The following PPRC1 variants were observed in gnomAD, a reference collection of about 807,000 sequenced individuals.
PPRC1 encodes PPARG related coactivator 1.
Under a neutral mutation model 132.5 loss-of-function variants are expected in PPRC1, and 23 were observed. The observed-to-expected ratio is 0.17, with a 90% CI of 0.12 to 0.25. PPRC1 has a LOEUF of 0.25. Ranked by LOEUF, PPRC1 falls within the 10% of genes least tolerant of loss-of-function variation. The pLI is 1.00. For synonymous variants in PPRC1, 872 were observed against 833.5 expected (o/e 1.05, Z -0.80); for missense variants, 2,006 against 2,089.1 (o/e 0.96, Z 0.78).
At position 102,138,926 on chromosome 10, in the gene PPRC1, C is replaced by T; in HGVS notation, c.537C>T (p.Leu179=). The change falls in exon 4 of 14, where the codon CTC becomes CTT. Residue 179 remains leucine, a synonymous_variant. Coordinates refer to ENST00000278070, the MANE Select transcript of PPRC1 (RefSeq NM_015062.5). ...TLSRTPPERD[L]ITPVDPLGPS... is the part of the protein sequence containing the mutation. ...CTCGGACACCCCCAGAACGTGACCTCATCACCCCAGTTGACCCACTGGGGC... is the reference window on the plus strand; with the variant it reads ...CTCGGACACCCCCAGAACGTGACCTTATCACCCCAGTTGACCCACTGGGGC... The T allele has an allele frequency of 1.2e-6, 2 of 1,614,180 alleles. No individual in the cohort carries two copies. Among genetic ancestry groups the T allele is most frequent in the South Asian group, 1.1e-5 (1 of 91,082 alleles).
intron 2 of PPRC1, 54 bp from the exon 3 acceptor site, chr10:102,138,565 A>G (rs1220996727): frequency 6.3e-7 from 1 of 1,592,154 alleles, no homozygotes; most frequent in Non-Finnish European, 8.6e-7. Flanking sequence ...CCTTAGTGGC[A>G]TAGTAGGTCA....
chr10:102,148,423 G>C lies in PPRC1; in HGVS notation c.4452G>C (p.Ser1484=), dbSNP rs558136788. The C allele has an allele frequency of 1.4e-5, 22 of 1,611,822 alleles. No individual in the cohort carries two copies. The Admixed American group carries it at 2.2e-4, about 16-fold the overall frequency. ...GRSRRCSSSS[S]SSSSSSSSSS... ...CTCGAAGATGCTCTTCCTCTTCTTCGTCATCATCTTCCTCTTCGTCTTCCT... is the reference window on the plus strand; with the variant it reads ...CTCGAAGATGCTCTTCCTCTTCTTCCTCATCATCTTCCTCTTCGTCTTCCT... Residue 1484 remains serine (S), a synonymous_variant, in exon 10 of 14, where the codon TCG becomes TCC. Transcript: ENST00000278070. The surrounding 1 kb of genome is among the most constrained non-coding windows in gnomAD (Gnocchi z 4.2).
At position 102,147,298 on chromosome 10, in the gene PPRC1, C is replaced by T. The variant is rs34169738; in HGVS notation, c.4306C>T (p.Arg1436Trp). 0.016 allele frequency: 25,541 copies of T among 1,612,744 alleles called. 271 individuals carry two copies. Among genetic ancestry groups the T allele is most frequent in the Middle Eastern group, 0.038 (229 of 6,062 alleles). ...NSRSVSSGSN[R>W]TSEASSSSSS... ...CCGTTCTGTCAGCTCTGGGTCCAAC[C>T]GGACTAGCGAAGCATCTTCCTCATC... Residue 1436 changes from arginine (R) to tryptophan (W), a missense_variant, in exon 9 of 14, where the codon CGG (arginine) becomes TGG (tryptophan). This residue lies in a region of PPRC1 where 1,914 missense variants were observed against 1,917.2 expected (regional missense o/e 1.00). Transcript: ENST00000278070.
chr10:102,120,285 C>A, the PPRC1 span: 2 of 984,088 alleles, frequency 2.0e-6, no homozygotes, highest in African/African-American at 3.5e-5. Context: ...GCCTGTCAGG[C>A]GCGGAGCAGA....
chr10:102,148,076 T>A lies in PPRC1; in HGVS notation c.4401-296T>A, dbSNP rs1241141782. ...TAGGGCTCACCCCTCTCCCTGAGTC[T>A]CCATTTATTGTTCTTCCTCTTTCTG... On this transcript the variant is annotated intron_variant, in intron 9 of 13. Transcript: ENST00000278070. This position sits in a 1 kb window ranked among gnomAD's most constrained non-coding sequence, Gnocchi z 4.2. Among the ~76,000 whole-genome samples, 2 of 152,144 alleles carry A rather than the reference T, an allele frequency of 1.3e-5. No individual in the cohort carries two copies. Among genetic ancestry groups the A allele is most frequent in the African/African-American group, 4.8e-5 (2 of 41,432 alleles).
rs1387507368 is a variant in PPRC1 at position 102,140,592 on chromosome 10, G to A, written c.2084G>A (p.Arg695His). The A allele has an allele frequency of 3.7e-6, 6 of 1,614,062 alleles. No homozygotes were observed. Among genetic ancestry groups the A allele is most frequent in the African/African-American group, 1.3e-5 (1 of 75,004 alleles). Residue 695 changes from arginine to histidine, a missense_variant, in exon 5 of 14, where the codon CGT (arginine) becomes CAT (histidine). Physicochemically the swap from Arg to His is conservative, Grantham distance 29. Around this residue, in one of 2 missense-constraint regions of PPRC1, gnomAD observed 1,914 missense variants for 1,917.2 expected, o/e 1.00. Coordinates refer to ENST00000278070, the MANE Select transcript of PPRC1 (RefSeq NM_015062.5). ...AAGTCCAGACCAACTGATCCCAGAC[G>A]TGGTGCAGTGTCATCAGCCCTGGGG... ...LVKSRPTDPR[R>H]GAVSSALGGS...
rs1299442945 is a variant in PPRC1, at chr10:102,139,697, G to A, written c.1189G>A (p.Glu397Lys). Residue 397 changes from glutamate (E) to lysine (K), a missense_variant, in exon 5 of 14, where the codon GAG becomes AAG. Physicochemically the swap from Glu to Lys is moderately conservative, Grantham distance 56. This residue lies in a region of PPRC1 where 1,914 missense variants were observed against 1,917.2 expected (regional missense o/e 1.00). Transcript: ENST00000278070. ...GCTGCTTATGCCTACACTGGAGTCA[G>A]AGACAGAGGCTGCTGTGCCCAAGGT... ...LQLLMPTLESETEAAVPKVTL... is the reference protein window; with the variant it reads ...LQLLMPTLESKTEAAVPKVTL... 6.2e-7 allele frequency: 1 copy of A among 1,614,100 alleles called. No homozygotes were observed. Among genetic ancestry groups the A allele is most frequent in the Middle Eastern group, 1.6e-4 (1 of 6,062 alleles).
In PPRC1 at chr10:102,138,790, G is replaced by C; in HGVS notation, c.489+25G>C. On this transcript the variant is annotated intron_variant, in intron 3 of 13. Transcript: ENST00000278070. ...TGTGAGTGTGGGACCAGGGGAAGGG[G>C]ATTAGTACAAAGTTTAGACCCATGC... 5 of 1,614,032 alleles carry C rather than the reference G, an allele frequency of 3.1e-6. No homozygotes were observed. In the South Asian group the frequency reaches 5.5e-5, roughly 18 times the overall value.
chr10:102,145,980 T>C (rs1467747373), intron 8 of PPRC1, among the ~76,000 whole-genome samples: 1 of 152,204 alleles, frequency 6.6e-6, no homozygotes, highest in Non-Finnish European at 1.5e-5. Context: ...TGAGAAACTC[T>C]ATCAGGTGGT....
chr10:102,138,147 G>C (rs769458847), intron 2 of PPRC1, 109 bp downstream of exon 2: 2 of 1,180,036 alleles, frequency 1.7e-6, no homozygotes, highest in Middle Eastern at 2.6e-4. Context: ...CTTCTTCCTG[G>C]GTGCCCAACC....
the PPRC1 span, among the ~76,000 whole-genome samples, chr10:102,126,708 C>T: frequency 1.3e-5 from 2 of 151,936 alleles, no homozygotes; most frequent in African/African-American, 4.8e-5. Flanking sequence ...ATCCGCCTGC[C>T]TCGGCCTCCC....
chr10:102,122,635 A>G, the PPRC1 span, among the ~76,000 whole-genome samples: 265 of 152,052 alleles, frequency 1.7e-3, 3 homozygotes, highest in Middle Eastern at 0.027. Flanking sequence ...GCCTAAGGCC[A>G]CTCATTCCAA....
chr10:102,144,212 A>T (rs891588316), intron 6 of PPRC1, 38 bp from the exon 7 acceptor site: 6 of 1,606,324 alleles, frequency 3.7e-6, no homozygotes, highest in Non-Finnish European at 4.3e-6. Flanking sequence ...AGTCTAGAAC[A>T]TCTGGTTGGG....
chr10:102,149,443 C>G (rs1323067495), intron 13 of PPRC1, 114 bp downstream of exon 13: 9 of 1,262,138 alleles, frequency 7.1e-6, no homozygotes, highest in Non-Finnish European at 9.4e-6. Flanking sequence ...ATACAAAGAA[C>G]CCAAGGGGGC....
chr10:102,134,336 CATGTTCAACAG>C (rs1017582664), intron 1 of PPRC1, among the ~76,000 whole-genome samples: 8 of 152,100 alleles, frequency 5.3e-5, no homozygotes, highest in African/African-American at 1.9e-4. Flanking sequence ...AACTGTTCAA[CATGTTCAACAG>C]TTGAACATAC....
chr10:102,144,927 C>T (rs2069152397), intron 7 of PPRC1, 93 bp from the exon 8 acceptor site: 2 of 1,038,850 alleles, frequency 1.9e-6, no homozygotes, highest in Non-Finnish European at 2.9e-6. Context: ...TTCTTCTCTG[C>T]ACCCACCCCC....
At chr10:102,138,504 T>C in intron 2 of PPRC1, 115 bp from the exon 3 acceptor site, 3 of 1,281,056 alleles carry the variant, frequency 2.3e-6, no homozygotes, top group Non-Finnish European at 3.3e-6. Context: ...TCCTTCTCGC[T>C]GCCCCATTAG....
rs369613277 is a variant in PPRC1 at position 102,140,487 on chromosome 10, C to T, written c.1979C>T (p.Pro660Leu). 2,870 of 1,614,122 alleles carry T rather than the reference C, an allele frequency of 1.8e-3. 67 individuals carry two copies. In the South Asian group the frequency reaches 0.028, roughly 16 times the overall value. The stretch of plus-strand genomic sequence containing the variant: ...AACTTGCCACCAGTTGATGCTGTCC[C>T]GTCTGGCCCAGCACCAGTTGATCTA... Reference protein sequence around the residue: ...SDNLPPVDAVPSGPAPVDLAL... With the variant: ...SDNLPPVDAVLSGPAPVDLAL... The change falls in exon 5 of 14, where the codon CCG becomes CTG. Residue 660 changes from proline (P) to leucine (L), a missense_variant. By Grantham distance (98) the Pro-to-Leu change is moderately conservative (BLOSUM62 -3). Coordinates refer to ENST00000278070, the MANE Select transcript of PPRC1 (RefSeq NM_015062.5).
rs376045160 is a variant in PPRC1 at position 102,137,903 on chromosome 10, G to C, written c.207G>C (p.Leu69=). ...CTGGCTTTGTCAGTCTCTCTCGGCT[G>C]GGCCCATCTCTGAGGGACAAGGACC... ...GDSGFVSLSR[L]GPSLRDKDLE... Residue 69 remains leucine (L), a synonymous_variant, in exon 2 of 14, where the codon CTG becomes CTC. Transcript: ENST00000278070. 1 of 1,614,138 alleles carries C rather than the reference G, an allele frequency of 6.2e-7. No homozygotes were observed. The highest frequency in any genetic ancestry group is 8.5e-7 in the Non-Finnish European group (1 of 1,180,014).
Sources: gnomAD v4.1 joint callset for allele counts (sites outside exome capture counted in the v4.1 genomes callset) on GRCh38, gnomAD v4.1.1 for gene constraint, gnomAD v4.1.1 regional missense constraint, Gnocchi (gnomAD v3.1) non-coding constraint, MANE v1.5 for transcripts, NCBI Gene and HGNC (gene_info 2026-07-23, HGNC 2026-07-21) for gene names.